Variants in ABCE1 observed in about 807,000 individuals in gnomAD.
The protein encoded by ABCE1 is ATP-binding cassette sub-family E member 1.
Under a neutral mutation model 83.4 loss-of-function variants are expected in ABCE1, and 22 were observed. The observed-to-expected ratio is 0.26, with a 90% CI of 0.19 to 0.38. The LOEUF (loss-of-function observed/expected upper bound fraction) is 0.38, where lower values mean the gene tolerates loss of function less well. Ranked by LOEUF, ABCE1 falls within the 10% of genes least tolerant of loss-of-function variation. The pLI is 1.00. For missense variants in ABCE1, 330 were observed against 721.9 expected, an observed-to-expected ratio of 0.46 and a Z score of 6.22; for synonymous variants, 204 against 233.7, an observed-to-expected ratio of 0.87 and a Z score of 1.16.
intron 9 of ABCE1, among the ~76,000 whole-genome samples, chr4:145,115,675 G>A (rs1749589970): frequency 1.3e-5 from 2 of 151,510 alleles, no homozygotes; most frequent in African/African-American, 4.8e-5. Flanking sequence ...CATCAAACTA[G>A]CAACATTCAA....
intron 10 of ABCE1, 42 bp from the exon 11 acceptor site, chr4:145,119,890 G>C (rs976086918): frequency 6.8e-7 from 1 of 1,460,646 alleles, no homozygotes; most frequent in Non-Finnish European, 9.5e-7. Flanking sequence ...TAGGATTTTG[G>C]CTCTAATGAT....
chr4:145,127,648 AAT>A lies in ABCE1; in HGVS notation c.*76_*77del. 8.2e-7 allele frequency: 1 copy of A among 1,219,774 alleles called. No homozygotes were observed. Among genetic ancestry groups the A allele is most frequent in the Non-Finnish European group, 1.1e-6 (1 of 885,410 alleles). 75.6% of individuals were successfully genotyped at this position (1,219,774 alleles called of 1,614,324 possible). On this transcript the variant is annotated 3_prime_UTR_variant, in exon 18 of 18. Coordinates refer to ENST00000296577, the MANE Select transcript of ABCE1 (RefSeq NM_002940.3). The stretch of plus-strand genomic sequence containing the variant: ...AGAATTTTTTGTCATATAAAACTTG[AAT>A]CAGGATTTTATGCCCCACATACTCT...
At chr4:145,111,470 C>G (rs1749472575) in intron 8 of ABCE1, among the ~76,000 whole-genome samples, 1 of 152,124 alleles carries the variant, frequency 6.6e-6, no homozygotes, top group Admixed American at 6.5e-5. Flanking sequence ...ACTACAGACG[C>G]CCGCCACCAC....
intron 1 of ABCE1, among the ~76,000 whole-genome samples, chr4:145,103,371 G>A (rs1749207766): frequency 6.6e-6 from 1 of 152,054 alleles, no homozygotes; most frequent in Non-Finnish European, 1.5e-5. Flanking sequence ...TGAGTATTAA[G>A]GCACCTTTTG....
At position 145,110,725 on chromosome 4, in the gene ABCE1, G is replaced by A. The variant is rs955050576; in HGVS notation, c.614-243G>A. 4.0e-5 allele frequency: 22 copies of A among 545,496 alleles called. 1 individual carries two copies. The highest frequency in any genetic ancestry group is 5.5e-5 in the Non-Finnish European group (17 of 310,304). The allele number at this position is 545,496 out of a possible 1,614,324, so 33.8% of individuals were successfully genotyped here. ...CTCCCACCTGCCTCAGCCTCCCAAA[G>A]TGCTAGGATTACAGGCGTGAGCCAC... On this transcript the variant is annotated intron_variant, in intron 7 of 17. Coordinates refer to ENST00000296577, the MANE Select transcript of ABCE1 (RefSeq NM_002940.3).
intron 10 of ABCE1, among the ~76,000 whole-genome samples, chr4:145,118,440 G>C (rs1469716544): frequency 2.0e-5 from 3 of 151,626 alleles, no homozygotes; most frequent in Admixed American, 6.6e-5. Flanking sequence ...ATACATTTGA[G>C]ATAGATGCAT....
intron 8 of ABCE1, 39 bp downstream of exon 8, chr4:145,111,103 T>C: frequency 1.4e-6 from 2 of 1,414,860 alleles, no homozygotes; most frequent in Non-Finnish European, 2.0e-6. Flanking sequence ...TTCATCCGTA[T>C]TGTAGAGTTT....
chr4:145,121,496 C>A, intron 13 of ABCE1, 105 bp downstream of exon 13: 1 of 809,234 alleles, frequency 1.2e-6, no homozygotes, highest in Non-Finnish European at 2.0e-6. Context: ...AGATTCTATA[C>A]AGTTTTATTG....
Position 145,127,706 on chromosome 4 carries a change from C to T in ABCE1, c.*133C>T. 1.7e-6 allele frequency: 1 copy of T among 588,420 alleles called. No homozygotes were observed. The highest frequency in any genetic ancestry group is 2.7e-6 in the Non-Finnish European group (1 of 371,596). 36.4% of individuals were successfully genotyped at this position (588,420 alleles called of 1,614,324 possible). A position where few individuals can be genotyped will look rare whatever the true frequency, so the allele number is the denominator to read the frequency against. ...TTGAAGTATAATATACTTAATATAA[C>T]ATAAAAAGCCAGTTGGGTTCTAAAT... On this transcript the variant is annotated 3_prime_UTR_variant, in exon 18 of 18. Coordinates refer to ENST00000296577, the MANE Select transcript of ABCE1 (RefSeq NM_002940.3).
chr4:145,112,554 T>C (rs1018878837), intron 9 of ABCE1, among the ~76,000 whole-genome samples: 2 of 152,204 alleles, frequency 1.3e-5, no homozygotes. Flanking sequence ...TCTGAAATTA[T>C]ATGCAAATTC....
intron 17 of ABCE1, among the ~76,000 whole-genome samples, chr4:145,125,717 T>C (rs1354134992): frequency 6.6e-6 from 1 of 152,146 alleles, no homozygotes; most frequent in Non-Finnish European, 1.5e-5. Flanking sequence ...TAACAAAGAA[T>C]TTTTTAAGAA....
chr4:145,104,135 A>G (rs546148328), intron 1 of ABCE1, among the ~76,000 whole-genome samples: 27 of 152,036 alleles, frequency 1.8e-4, no homozygotes, highest in Admixed American at 1.2e-3. Context: ...TTTTGTCGCT[A>G]TTGTAAATGA....
chr4:145,102,004 C>A (rs1414204097), intron 1 of ABCE1, among the ~76,000 whole-genome samples: 2 of 152,038 alleles, frequency 1.3e-5, no homozygotes, highest in African/African-American at 2.4e-5. Flanking sequence ...AGTCTTAGAG[C>A]ACTCTGCATT....
chr4:145,104,390 G>T lies in ABCE1; in HGVS notation c.-23G>T. On this transcript the variant is annotated 5_prime_UTR_variant, in exon 2 of 18. Coordinates refer to ENST00000296577, the MANE Select transcript of ABCE1 (RefSeq NM_002940.3). ...TTGTTGATTTTTCTTTCATAGAAGA[G>T]CTGGATATTCTTTCGCCCAGTTATG... 1 of 1,515,186 alleles carries T rather than the reference G, an allele frequency of 6.6e-7. No individual in the cohort carries two copies. The highest frequency in any genetic ancestry group is 9.0e-7 in the Non-Finnish European group (1 of 1,107,598). The allele number at this position is 1,515,186 out of a possible 1,614,324, so 93.9% of individuals were successfully genotyped here.
chr4:145,121,123 T>C, intron 11 of ABCE1, 51 bp from the exon 12 acceptor site: 20 of 1,587,774 alleles, frequency 1.3e-5, no homozygotes, highest in Non-Finnish European at 1.7e-5. Context: ...AGTGATTTAC[T>C]TTAAACGTCA....
chr4:145,107,470 AAT>A (rs1444499302), intron 3 of ABCE1, among the ~76,000 whole-genome samples: 1 of 152,148 alleles, frequency 6.6e-6, no homozygotes, highest in African/African-American at 2.4e-5. Context: ...CCCCTCATCT[AAT>A]ATGTTTTAAC....
At chr4:145,108,379 T>C (rs1004730535) in intron 4 of ABCE1, among the ~76,000 whole-genome samples, 3 of 152,160 alleles carry the variant, frequency 2.0e-5, no homozygotes, top group Admixed American at 6.5e-5. Flanking sequence ...CCTTAGTATA[T>C]TGAAAAAGTC....
At chr4:145,119,863 T>C in intron 10 of ABCE1, 69 bp from the exon 11 acceptor site, 1 of 1,115,778 alleles carries the variant, frequency 9.0e-7, no homozygotes, top group South Asian at 1.4e-5. Flanking sequence ...AGTCTATAGA[T>C]TGCTCCCAAG....
At chr4:145,105,226 T>C (rs1749267198) in intron 2 of ABCE1, among the ~76,000 whole-genome samples, 1 of 152,118 alleles carries the variant, frequency 6.6e-6, no homozygotes, top group African/African-American at 2.4e-5. Flanking sequence ...TTCATTCGTT[T>C]AATGCTCTGC....
Sources: allele counts gnomAD v4.1 joint callset (sites outside exome capture counted in the v4.1 genomes callset), GRCh38; gene constraint gnomAD v4.1.1; transcripts MANE v1.5; gene names NCBI Gene and HGNC (gene_info 2026-07-23, HGNC 2026-07-21).